MYH10: variants seen among roughly 807,000 people sequenced by gnomAD.
MYH10 encodes the protein myosin heavy chain 10, also known as myosin-10.
A neutral mutation model predicts 257.8 loss-of-function variants in MYH10; 55 were observed. The ratio of observed to expected loss-of-function variants is 0.21; its 90% CI spans 0.17 to 0.27. The LOEUF is 0.27. MYH10 is among the 10% of genes least tolerant of loss of function. MYH10 has a pLI of 1.00. For synonymous variants in MYH10, 854 were observed against 921.7 expected (o/e 0.93, Z 1.33); for missense variants, 1,631 against 2,500.6 (o/e 0.65, Z 7.42).
chr17:8,612,378 A>G (rs190654020), intron 2 of MYH10, among the ~76,000 whole-genome samples: 1 of 152,208 alleles, frequency 6.6e-6, no homozygotes, highest in Non-Finnish European at 1.5e-5. Flanking sequence ...TCTATCTGTG[A>G]ATTTGTGAAC....
At chr17:8,493,483 G>C (rs1033711694) in intron 32 of MYH10, among the ~76,000 whole-genome samples, 1 of 152,100 alleles carries the variant, frequency 6.6e-6, no homozygotes, top group Non-Finnish European at 1.5e-5. Context: ...TAATTTCTTA[G>C]CTAATAGTCC....
chr17:8,578,125 C>A (rs776765289), intron 4 of MYH10, among the ~76,000 whole-genome samples: 1 of 152,192 alleles, frequency 6.6e-6, no homozygotes, highest in East Asian at 1.9e-4. Flanking sequence ...CCTCTCAGAG[C>A]AGGCTAGTGA....
chr17:8,480,199 C>T lies in MYH10; in HGVS notation c.5508G>A (p.Glu1836=). 6.2e-7 allele frequency: 1 copy of T among 1,614,170 alleles called. No homozygotes were observed. Among genetic ancestry groups the T allele is most frequent in the Non-Finnish European group, 8.5e-7 (1 of 1,180,048 alleles). Residue 1836 remains glutamate (E), a synonymous_variant, in exon 40 of 43, where the codon GAG becomes GAA. Coordinates refer to ENST00000360416, the MANE Select transcript of MYH10 (RefSeq NM_001256012.3). ...KELKAKLQEL[E]GAVKSKFKAT... is the part of the protein sequence containing the mutation. Reference sequence around the variant, plus strand: ...CCTTGAACTTAGACTTGACAGCACCCTCGAGTTCCTGCAGCTTGGCCTTCA... The same window carrying T: ...CCTTGAACTTAGACTTGACAGCACCTTCGAGTTCCTGCAGCTTGGCCTTCA...
chr17:8,491,369 G>A (rs1007903778), intron 34 of MYH10, among the ~76,000 whole-genome samples: 1 of 152,220 alleles, frequency 6.6e-6, no homozygotes, highest in Admixed American at 6.5e-5. Context: ...ACATTTCACT[G>A]TGTAACCATG....
intron 28 of MYH10, among the ~76,000 whole-genome samples, chr17:8,502,505 T>TGTGTGTGTGTGTG (rs1567808248): frequency 6.7e-6 from 1 of 149,820 alleles, no homozygotes; most frequent in African/African-American, 2.5e-5. Context: ...TGTGTGTGTG[T>TGTGTGTGTGTGTG]TCCTCATCCC....
chr17:8,525,045 T>C (rs1194432895), intron 17 of MYH10, among the ~76,000 whole-genome samples: 4 of 152,242 alleles, frequency 2.6e-5, no homozygotes, highest in African/African-American at 9.6e-5. Flanking sequence ...CTCTTGTCCC[T>C]TTCACACATG....
intron 2 of MYH10, among the ~76,000 whole-genome samples, chr17:8,607,738 T>C (rs2084865182): frequency 6.6e-6 from 1 of 152,192 alleles, no homozygotes; most frequent in South Asian, 2.1e-4. Context: ...CAGAAGATAC[T>C]AAGCTTCTTT....
intron 1 of MYH10, among the ~76,000 whole-genome samples, chr17:8,627,138 A>ATTT (rs11411169): frequency 7.3e-5 from 11 of 150,474 alleles, no homozygotes; most frequent in African/African-American, 2.2e-4. Flanking sequence ...ACACGTGTGT[A>ATTT]TTTTTTTTTT....
chr17:8,492,285 C>T lies in MYH10; in HGVS notation c.4671+12G>A, dbSNP rs376465587. 1.2e-6 allele frequency: 2 copies of T among 1,609,930 alleles called. No homozygotes were observed. Among genetic ancestry groups the T allele is most frequent in the Non-Finnish European group, 1.7e-6 (2 of 1,179,628 alleles). On this transcript the variant is annotated intron_variant, in intron 34 of 42. Transcript: ENST00000360416. ...TCCCGTGCGGAAGTGTGGAGCCCACCAGGCGACTTACGTTTTTTCCCACAT... is the reference window on the plus strand; with the variant it reads ...TCCCGTGCGGAAGTGTGGAGCCCACTAGGCGACTTACGTTTTTTCCCACAT...
intron 24 of MYH10, among the ~76,000 whole-genome samples, chr17:8,512,114 G>A (rs2081316228): frequency 6.6e-6 from 1 of 152,200 alleles, no homozygotes; most frequent in Admixed American, 6.5e-5. Context: ...TGAATGGAGT[G>A]AGCAACAGAA....
At chr17:8,567,055 C>T (rs1388919446) in intron 7 of MYH10, among the ~76,000 whole-genome samples, 4 of 152,162 alleles carry the variant, frequency 2.6e-5, no homozygotes, top group Non-Finnish European at 4.4e-5. Context: ...ACAAAGAAGT[C>T]CTTGAAGATC....
chr17:8,625,332 G>A (rs1345607657), intron 1 of MYH10, among the ~76,000 whole-genome samples: 5 of 152,198 alleles, frequency 3.3e-5, no homozygotes, highest in Admixed American at 3.3e-4. Context: ...TTGTTGCAAT[G>A]TAATGCGTTA....
chr17:8,540,827 CA>C (rs2082271805), intron 14 of MYH10, among the ~76,000 whole-genome samples: 1 of 152,142 alleles, frequency 6.6e-6, no homozygotes, highest in Admixed American at 6.5e-5. Flanking sequence ...CTTTAGGCAA[CA>C]AAGCAGTGAT....
chr17:8,626,581 T>TAAG (rs766310373), intron 1 of MYH10, among the ~76,000 whole-genome samples: 39 of 72,194 alleles, frequency 5.4e-4, no homozygotes, highest in African/African-American at 1.1e-3. Context: ...TAATAATAAA[T>TAAG]AATAATAATA....
intron 37 of MYH10, among the ~76,000 whole-genome samples, chr17:8,481,733 T>C (rs1218006241): frequency 6.6e-6 from 1 of 152,182 alleles, no homozygotes; most frequent in Non-Finnish European, 1.5e-5. Flanking sequence ...AAACTGAGCA[T>C]GAACTTTATA....
chr17:8,615,094 G>A (rs906258439), intron 2 of MYH10, among the ~76,000 whole-genome samples: 5 of 152,112 alleles, frequency 3.3e-5, no homozygotes, highest in Non-Finnish European at 7.4e-5. Flanking sequence ...AGGGTTTTGA[G>A]ACAAGACTGG....
chr17:8,487,474 T>C lies in MYH10; in HGVS notation c.5005A>G (p.Lys1669Glu). The change falls in exon 36 of 43, where the codon AAA (lysine) becomes GAA (glutamate). Residue 1669 changes from lysine (K) to glutamate (E), a missense_variant. Lys to Glu is a moderately conservative substitution (Grantham distance 56, BLOSUM62 1). Transcript: ENST00000360416. ...DLEAQIEAAN[K>E]ARDEVIKQLR... ...TGCTTAATCACCTCATCCCGAGCTT[T>C]GTTCGCAGCCTCGATTTGGGCTTCG... 1 of 1,614,238 alleles carries C rather than the reference T, an allele frequency of 6.2e-7. No individual in the cohort carries two copies. Among genetic ancestry groups the C allele is most frequent in the Non-Finnish European group, 8.5e-7 (1 of 1,180,050 alleles).
chr17:8,486,745 T>TAAG (rs1276236495), intron 36 of MYH10, among the ~76,000 whole-genome samples: 1 of 152,046 alleles, frequency 6.6e-6, no homozygotes, highest in African/African-American at 2.4e-5. Context: ...TTTATTCATT[T>TAAG]AAGTCTGGCC....
At chr17:8,514,147 C>T (rs557711818) in intron 21 of MYH10, among the ~76,000 whole-genome samples, 1 of 152,308 alleles carries the variant, frequency 6.6e-6, no homozygotes, top group African/African-American at 2.4e-5. Flanking sequence ...GGACGCTGCC[C>T]TGCACATTCT....
Sources: gnomAD v4.1 joint callset for allele counts (sites outside exome capture counted in the v4.1 genomes callset) on GRCh38, gnomAD v4.1.1 for gene constraint, MANE v1.5 for transcripts, NCBI Gene and HGNC (gene_info 2026-07-23, HGNC 2026-07-21) for gene names.